Variants in DOCK1 observed in about 807,000 individuals in gnomAD.
The protein encoded by DOCK1 is dedicator of cytokinesis 1, also known as dedicator of cytokinesis protein 1.
A neutral mutation model predicts 262.7 loss-of-function variants in DOCK1; 138 were observed. The observed-to-expected ratio is 0.53, with a 90% CI of 0.46 to 0.61. The LOEUF (loss-of-function observed/expected upper bound fraction) is 0.61, where lower values mean the gene tolerates loss of function less well. Ranked by LOEUF, DOCK1 falls within the 20% of genes least tolerant of loss-of-function variation. The pLI is 0.00. For synonymous variants in DOCK1, 866 were observed against 867.4 expected (o/e 1.00, Z 0.03); for missense variants, 1,908 against 2,370.7 (o/e 0.80, Z 4.05).
chr10:127,294,478 C>T (rs915735784), intron 29 of DOCK1, among the ~76,000 whole-genome samples: 5 of 151,646 alleles, frequency 3.3e-5, no homozygotes, highest in Non-Finnish European at 5.9e-5. Flanking sequence ...CTCGTCACCA[C>T]GCCAGGCTGA....
chr10:127,384,246 G>A (rs935431936), intron 37 of DOCK1, among the ~76,000 whole-genome samples: 5 of 152,116 alleles, frequency 3.3e-5, no homozygotes, highest in South Asian at 2.1e-4. Flanking sequence ...CTCACACGCC[G>A]ACTGCACCAA....
At chr10:127,362,955 GTGCATCCC>G (rs2064636983) in intron 33 of DOCK1, among the ~76,000 whole-genome samples, 2 of 5,906 alleles carry the variant, frequency 3.4e-4, no homozygotes, top group Admixed American at 2.1e-3. Flanking sequence ...ACATACACAT[GTGCATCCC>G]CACATACACA....
In DOCK1 at chr10:127,175,586, C is replaced by T; in HGVS notation, c.2847+47822C>T. 1 of 1,612,456 alleles carries T rather than the reference C, an allele frequency of 6.2e-7. No homozygotes were observed. Among genetic ancestry groups the T allele is most frequent in the Non-Finnish European group, 8.5e-7 (1 of 1,179,898 alleles). On this transcript the variant is annotated intron_variant, in intron 27 of 51. Coordinates refer to ENST00000623213, the MANE Select transcript of DOCK1 (RefSeq NM_001290223.2). The surrounding 1 kb of genome is among the most constrained non-coding windows in gnomAD (Gnocchi z 6.3). ...ACTGGCTGGCGGCTGCAGAGTCTGA[C>T]AAACCAGGCTCGGGGGCCCTGGCAC...
chr10:127,097,972 C>A (rs951483986), intron 23 of DOCK1, among the ~76,000 whole-genome samples: 1 of 152,202 alleles, frequency 6.6e-6, no homozygotes, highest in African/African-American at 2.4e-5. Context: ...AAACTCAGCT[C>A]TGTCTTTTGG....
At chr10:127,401,648 C>T (rs894344042) in intron 38 of DOCK1, among the ~76,000 whole-genome samples, 8 of 152,194 alleles carry the variant, frequency 5.3e-5, no homozygotes, top group African/African-American at 1.9e-4. Flanking sequence ...CTGCTGATCA[C>T]CAGCTTGTGT....
chr10:126,948,582 C>G (rs1364388501), intron 1 of DOCK1, among the ~76,000 whole-genome samples: 1 of 152,026 alleles, frequency 6.6e-6, no homozygotes, highest in Non-Finnish European at 1.5e-5. Context: ...CACCCTGAAA[C>G]AGGGCCCTCA....
At chr10:127,290,170 G>T (rs78783087) in intron 29 of DOCK1, among the ~76,000 whole-genome samples, 1 of 151,832 alleles carries the variant, frequency 6.6e-6, no homozygotes, top group Non-Finnish European at 1.5e-5. Flanking sequence ...TTATGATCAC[G>T]TCCTGGTTTC....
rs370390553 is a variant in DOCK1 at position 127,444,099 on chromosome 10, T to C, written c.5260-27T>C. 3.9e-6 allele frequency: 6 copies of C among 1,551,724 alleles called. No homozygotes were observed. In the African/African-American group the frequency reaches 4.1e-5, roughly 11 times the overall value. The stretch of plus-strand genomic sequence containing the variant: ...AACTCAGCCCATAACAGACCGTAAC[T>C]GTGCTCTTTCTGTCCTTTTGATGTA... On this transcript the variant is annotated intron_variant, in intron 49 of 51. Coordinates refer to ENST00000623213, the MANE Select transcript of DOCK1 (RefSeq NM_001290223.2).
Position 127,444,100 on chromosome 10 carries a change from GTGCTCTTTC to G in DOCK1, c.5260-23_5260-15del, listed in dbSNP as rs1303113089. The G allele has an allele frequency of 3.3e-5, 51 of 1,551,542 alleles. No homozygotes were observed. Among genetic ancestry groups the G allele is most frequent in the Non-Finnish European group, 3.9e-5 (45 of 1,147,436 alleles). On this transcript the variant is annotated splice_polypyrimidine_tract_variant and intron_variant, in intron 49 of 51. Transcript: ENST00000623213. ...ACTCAGCCCATAACAGACCGTAACT[GTGCTCTTTC>G]TGTCCTTTTGATGTAGATAAGTCCC...
intron 40 of DOCK1, among the ~76,000 whole-genome samples, chr10:127,404,916 T>C (rs777795070): frequency 1.4e-4 from 22 of 152,346 alleles, no homozygotes; most frequent in Admixed American, 3.3e-4. Flanking sequence ...CTGACTGTTG[T>C]AGGGACCTTG....
At position 126,930,811 on chromosome 10, in the gene DOCK1, G is replaced by A. The variant is rs991270084; in HGVS notation, c.46+25248G>A. ...AGTGTGGACATCAGCACAAGGACTC[G>A]GGGCCCAGTCCCTGGTTTTCTCTAG... On this transcript the variant is annotated intron_variant, in intron 1 of 51. Coordinates refer to ENST00000623213, the MANE Select transcript of DOCK1 (RefSeq NM_001290223.2). 1.8e-4 allele frequency among the ~76,000 whole-genome samples: 27 copies of A among 152,326 alleles called. 1 individual carries two copies. The East Asian group carries it at 2.7e-3, about 15-fold the overall frequency.
intron 29 of DOCK1, among the ~76,000 whole-genome samples, chr10:127,297,128 G>T (rs537646685): frequency 6.6e-6 from 1 of 152,156 alleles, no homozygotes; most frequent in African/African-American, 2.4e-5. Flanking sequence ...TGATTTGCCC[G>T]CAAGCTAGTT....
intron 10 of DOCK1, chr10:127,000,758 CAT>C (rs1423464427): frequency 9.8e-6 from 1 of 101,870 alleles, no homozygotes; most frequent in Non-Finnish European, 2.2e-5. Context: ...GTTTCTCCGC[CAT>C]GTTGGTGTTC....
At chr10:127,268,621 C>T (rs1417912515) in intron 29 of DOCK1, among the ~76,000 whole-genome samples, 1 of 152,014 alleles carries the variant, frequency 6.6e-6, no homozygotes, top group East Asian at 1.9e-4. Flanking sequence ...CATGTGACCT[C>T]AGCCAAACCA....
chr10:126,959,387 T>TCATA (rs1183707517), intron 1 of DOCK1, among the ~76,000 whole-genome samples: 5 of 152,186 alleles, frequency 3.3e-5, no homozygotes, highest in Non-Finnish European at 7.3e-5. Context: ...CTTCTTTGTC[T>TCATA]CATAATGTTA....
Position 127,298,033 on chromosome 10 carries a change from C to G in DOCK1, c.3044+40604C>G, listed in dbSNP as rs538410870. Reference sequence around the variant, plus strand: ...ATATTGGAAAAGCAATTATTCCCACCACGTGTAATAAACCATCTGTAGGGA... The same window carrying G: ...ATATTGGAAAAGCAATTATTCCCACGACGTGTAATAAACCATCTGTAGGGA... On this transcript the variant is annotated intron_variant, in intron 29 of 51. Transcript: ENST00000623213. Among the ~76,000 whole-genome samples, 4 of 152,190 alleles carry G rather than the reference C, an allele frequency of 2.6e-5. No homozygotes were observed. The South Asian group carries it at 8.3e-4, about 32-fold the overall frequency.
At chr10:127,025,620 T>C (rs557809474) in intron 15 of DOCK1, among the ~76,000 whole-genome samples, 1 of 152,114 alleles carries the variant, frequency 6.6e-6, no homozygotes, top group South Asian at 2.1e-4. Context: ...CTAATGTTTT[T>C]GGTATTTTTA....
chr10:126,963,601 T>TTCCCG, intron 1 of DOCK1, among the ~76,000 whole-genome samples: 1 of 51,142 alleles, frequency 2.0e-5, no homozygotes, highest in South Asian at 1.5e-3. Context: ...TTCCCTTCCC[T>TTCCCG]TCCCTTCCCT....
intron 23 of DOCK1, among the ~76,000 whole-genome samples, chr10:127,095,786 G>A (rs146990820): frequency 1.5e-3 from 229 of 152,234 alleles, no homozygotes; most frequent in East Asian, 7.1e-3. Context: ...CAGGAGACCC[G>A]TTCCTCATCA....
Sources: gnomAD v4.1 joint callset for allele counts (sites outside exome capture counted in the v4.1 genomes callset) on GRCh38, gnomAD v4.1.1 for gene constraint, Gnocchi (gnomAD v3.1) non-coding constraint, MANE v1.5 for transcripts, NCBI Gene and HGNC (gene_info 2026-07-23, HGNC 2026-07-21) for gene names.